The following PRICKLE1 variants were observed in gnomAD, a reference collection of about 807,000 sequenced individuals.
PRICKLE1 encodes prickle-like protein 1.
In PRICKLE1, 14 loss-of-function variants were observed where a neutral mutation model predicts 70.2. That is an observed-to-expected ratio of 0.20 (90% confidence interval 0.13 to 0.31). The LOEUF (loss-of-function observed/expected upper bound fraction) is 0.31, where lower values mean the gene tolerates loss of function less well. Ranked by LOEUF, PRICKLE1 falls within the 10% of genes least tolerant of loss-of-function variation. PRICKLE1 has a pLI of 1.00. For synonymous variants in PRICKLE1, 357 were observed against 379.9 expected (o/e 0.94, Z 0.70); for missense variants, 821 against 1,026.2 (o/e 0.80, Z 2.73).
intron 1 of PRICKLE1, among the ~76,000 whole-genome samples, chr12:42,560,911 T>G (rs139822725): frequency 1.3e-5 from 2 of 152,270 alleles, no homozygotes; most frequent in East Asian, 3.9e-4. Context: ...TAGAGTCCTA[T>G]CCTCAAAAAG....
intron 1 of PRICKLE1, among the ~76,000 whole-genome samples, chr12:42,499,365 CT>C (rs1392731002): frequency 6.6e-6 from 1 of 151,982 alleles, no homozygotes; most frequent in Non-Finnish European, 1.5e-5. Context: ...AAATAATATG[CT>C]TTGCTTTTCC....
rs766626651 is a variant in PRICKLE1 at position 42,468,615 on chromosome 12, C to CT, written c.588+10dup. ...ATTTTTCCCAGTGTGAAAGGATGAA[C>CT]TTTTTTTTACCTCGTCACATGCTGA... On this transcript the variant is annotated intron_variant, in intron 5 of 7. Coordinates refer to ENST00000345127, the MANE Select transcript of PRICKLE1 (RefSeq NM_153026.3). 75 of 1,611,990 alleles carry CT rather than the reference C, an allele frequency of 4.7e-5. No individual in the cohort carries two copies. Among genetic ancestry groups the CT allele is most frequent in the Middle Eastern group, 1.7e-4 (1 of 5,810 alleles).
At chr12:42,468,213 T>C (rs1261851696) in intron 5 of PRICKLE1, among the ~76,000 whole-genome samples, 1 of 152,216 alleles carries the variant, frequency 6.6e-6, no homozygotes, top group Admixed American at 6.5e-5. Flanking sequence ...TACTATTAAT[T>C]TGGTATTTGT....
intron 1 of PRICKLE1, among the ~76,000 whole-genome samples, chr12:42,474,835 A>G (rs1338296517): frequency 1.3e-5 from 2 of 152,216 alleles, no homozygotes; most frequent in Admixed American, 1.3e-4. Context: ...ACACTAAGGT[A>G]TTTGCTCTGC....
chr12:42,501,304 A>G (rs1939301691), intron 1 of PRICKLE1, among the ~76,000 whole-genome samples: 1 of 152,036 alleles, frequency 6.6e-6, no homozygotes, highest in South Asian at 2.1e-4. Context: ...AGAGATTGAG[A>G]CCATCCTGGC....
intron 1 of PRICKLE1, among the ~76,000 whole-genome samples, chr12:42,516,038 C>G (rs1455977402): frequency 6.6e-6 from 1 of 152,116 alleles, no homozygotes; most frequent in African/African-American, 2.4e-5. Context: ...CTCATCTTTT[C>G]TCTCCGATTT....
intron 1 of PRICKLE1, among the ~76,000 whole-genome samples, chr12:42,566,273 G>C (rs1334268879): frequency 6.6e-6 from 1 of 152,132 alleles, no homozygotes; most frequent in African/African-American, 2.4e-5. Flanking sequence ...TGGGACCTGT[G>C]GTTGAATGAA....
At chr12:42,506,548 C>T (rs1406236392) in intron 1 of PRICKLE1, among the ~76,000 whole-genome samples, 7 of 147,220 alleles carry the variant, frequency 4.8e-5, no homozygotes, top group African/African-American at 1.0e-4. Flanking sequence ...TGAGCCACCG[C>T]GCCCAGCTCA....
Position 42,456,969 on chromosome 12 carries a change from A to C in PRICKLE1, c.*2840T>G, listed in dbSNP as rs1285130550. 2.0e-5 allele frequency: 3 copies of C among 152,226 alleles called. No individual in the cohort carries two copies. Among genetic ancestry groups the C allele is most frequent in the South Asian group, 4.1e-4 (2 of 4,832 alleles). The allele number at this position is 152,226 out of a possible 1,614,324, so 9.4% of individuals were successfully genotyped here. ...GCAGGTGGATCACCTGAAGGTCAGGAGTTCGAGACCAGCCTGGCCAACTTG... is the reference window on the plus strand; with the variant it reads ...GCAGGTGGATCACCTGAAGGTCAGGCGTTCGAGACCAGCCTGGCCAACTTG... On this transcript the variant is annotated 3_prime_UTR_variant, in exon 8 of 8. Coordinates refer to ENST00000345127, the MANE Select transcript of PRICKLE1 (RefSeq NM_153026.3).
chr12:42,469,383 T>G, intron 4 of PRICKLE1, 67 bp downstream of exon 4: 1 of 1,596,010 alleles, frequency 6.3e-7, no homozygotes, highest in African/African-American at 1.3e-5. Context: ...TCCAGTCACC[T>G]ACCCCCGACT....
At chr12:42,564,269 A>AAAAAAAAAAAAAAAG (rs71084673) in intron 1 of PRICKLE1, among the ~76,000 whole-genome samples, 6 of 125,010 alleles carry the variant, frequency 4.8e-5, no homozygotes, top group African/African-American at 9.1e-5. Flanking sequence ...AAAAAAAAAA[A>AAAAAAAAAAAAAAAG]AAAGAAAAGA....
rs1555229120 is a variant in PRICKLE1 at position 42,459,689 on chromosome 12, C to T, written c.*120G>A. The T allele has an allele frequency of 8.9e-5, 105 of 1,182,148 alleles. No homozygotes were observed. The South Asian group carries it at 1.4e-3, about 15-fold the overall frequency. The allele number at this position is 1,182,148 out of a possible 1,614,324, so 73.2% of individuals were successfully genotyped here. On this transcript the variant is annotated 3_prime_UTR_variant, in exon 8 of 8. Transcript: ENST00000345127. Reference sequence around the variant, plus strand: ...ACACTGTAAACAGCAGTTGAGTTCTCATTTACATGGGCAAAGAAAGCACTT... The same window carrying T: ...ACACTGTAAACAGCAGTTGAGTTCTTATTTACATGGGCAAAGAAAGCACTT...
At chr12:42,572,231 C>G (rs1042699321) in intron 1 of PRICKLE1, among the ~76,000 whole-genome samples, 4 of 151,746 alleles carry the variant, frequency 2.6e-5, no homozygotes, top group Admixed American at 6.6e-5. Flanking sequence ...GCCAGGAGTT[C>G]GAGACCAGCC....
intron 1 of PRICKLE1, among the ~76,000 whole-genome samples, chr12:42,560,883 T>C (rs956884145): frequency 6.6e-6 from 1 of 151,994 alleles, no homozygotes; most frequent in Non-Finnish European, 1.5e-5. Context: ...CTTTGGTTAA[T>C]AACATAAAAA....
In PRICKLE1 at chr12:42,465,351, G is replaced by C. The variant is rs977663190; in HGVS notation, c.776-93C>G. The C allele has an allele frequency of 4.0e-6, 5 of 1,236,498 alleles. No individual in the cohort carries two copies. In the South Asian group the frequency reaches 6.5e-5, roughly 16 times the overall value. 76.6% of individuals were successfully genotyped at this position (1,236,498 alleles called of 1,614,324 possible). A position where few individuals can be genotyped will look rare whatever the true frequency, so the allele number is the denominator to read the frequency against. ...AACGAAGAAAATAAATAAAGATTAT[G>C]GGTATGGGGGAGCTGTGTGGGTGAC... On this transcript the variant is annotated intron_variant, in intron 6 of 7. Transcript: ENST00000345127.
intron 1 of PRICKLE1, among the ~76,000 whole-genome samples, chr12:42,505,071 G>A (rs1198206267): frequency 3.3e-5 from 5 of 152,118 alleles, no homozygotes; most frequent in African/African-American, 1.2e-4. Context: ...CCCAGGAGGT[G>A]GAGGTTGCAG....
intron 1 of PRICKLE1, among the ~76,000 whole-genome samples, chr12:42,495,426 G>A (rs1025208108): frequency 4.0e-5 from 6 of 148,742 alleles, no homozygotes; most frequent in Admixed American, 6.7e-5. Context: ...GAGGTGTTGC[G>A]TCACCTCACT....
At chr12:42,474,977 G>A (rs1256410415) in intron 1 of PRICKLE1, among the ~76,000 whole-genome samples, 4 of 152,188 alleles carry the variant, frequency 2.6e-5, no homozygotes, top group Non-Finnish European at 4.4e-5. Flanking sequence ...ACAGATTGCC[G>A]AAGATGTGAA....
chr12:42,484,800 T>C (rs1938941763), intron 1 of PRICKLE1, among the ~76,000 whole-genome samples: 1 of 152,150 alleles, frequency 6.6e-6, no homozygotes, highest in Non-Finnish European at 1.5e-5. Flanking sequence ...AAGCAAAACA[T>C]ATCCTCAAAG....
Sources: allele counts gnomAD v4.1 joint callset (sites outside exome capture counted in the v4.1 genomes callset), GRCh38; gene constraint gnomAD v4.1.1; transcripts MANE v1.5; gene names NCBI Gene and HGNC (gene_info 2026-07-23, HGNC 2026-07-21).